Variants in GBF1 observed in about 807,000 individuals in gnomAD.
GBF1 encodes Golgi-specific brefeldin A-resistance guanine nucleotide exchange factor 1.
Under a neutral mutation model 210.5 loss-of-function variants are expected in GBF1, and 114 were observed. The observed-to-expected ratio is 0.54, with a 90% confidence interval of 0.47 to 0.63. The LOEUF is 0.63. Among genes scored for constraint, GBF1 ranks in the 30% least tolerant of loss-of-function variants. The probability of loss-of-function intolerance (pLI) is 0.00; values close to 1 mark genes in which losing one functional copy is unlikely to be tolerated. For synonymous variants in GBF1, 850 were observed against 889.2 expected, an observed-to-expected ratio of 0.96 and a Z score of 0.78; for missense variants, 1,851 against 2,357.7, an observed-to-expected ratio of 0.79 and a Z score of 4.45.
intron 3 of GBF1, among the ~76,000 whole-genome samples, chr10:102,309,679 G>GT (rs1234645403): frequency 2.6e-5 from 4 of 151,984 alleles, no homozygotes; most frequent in African/African-American, 9.7e-5. Context: ...TTTCATCTTT[G>GT]TTTTTTAGTT....
At chr10:102,368,547 A>G (rs748857779) in intron 22 of GBF1, 93 bp downstream of exon 22, 20 of 883,772 alleles carry the variant, frequency 2.3e-5, no homozygotes, top group Admixed American at 7.5e-5. Context: ...CTGTTACTTC[A>G]TTAGAATGGG....
intron 3 of GBF1, among the ~76,000 whole-genome samples, chr10:102,285,809 T>C (rs1392502646): frequency 6.6e-6 from 1 of 152,168 alleles, no homozygotes; most frequent in African/African-American, 2.4e-5. Flanking sequence ...GTAGCTTTCC[T>C]TCTTTTTTTT....
rs751351600 is a variant in GBF1 at position 102,365,476 on chromosome 10, C to G, written c.2186C>G (p.Thr729Ser). 6.2e-7 allele frequency: 1 copy of G among 1,613,850 alleles called. No individual in the cohort carries two copies. Among genetic ancestry groups the G allele is most frequent in the Non-Finnish European group, 8.5e-7 (1 of 1,179,820 alleles). Residue 729 changes from threonine (T) to serine (S), a missense_variant, in exon 18 of 40, where the codon ACC (threonine) becomes AGC (serine). Transcript: ENST00000369983. ...TTTCTGCAAGAGAAAGGCCTCCTCA[C>G]CATCCCAATGGACAACACAGAGGTT... ...IQFLQEKGLL[T>S]IPMDNTEVAQ...
rs947646259 is a variant in GBF1, at chr10:102,331,921, G to T, written c.164-12130G>T. Reference sequence around the variant, plus strand: ...GTCGCCCAGGCTGGAGTGCAGTGGCGCAGTCTTGGCTCACTGCAACCTTTG... The same window carrying T: ...GTCGCCCAGGCTGGAGTGCAGTGGCTCAGTCTTGGCTCACTGCAACCTTTG... On this transcript the variant is annotated intron_variant, in intron 3 of 39. Transcript: ENST00000369983. Among the ~76,000 whole-genome samples, 3 of 146,678 alleles carry T rather than the reference G, an allele frequency of 2.0e-5. No homozygotes were observed. In the Admixed American group the frequency reaches 2.1e-4, roughly 10 times the overall value.
At chr10:102,308,865 T>TA (rs1379275128) in intron 3 of GBF1, among the ~76,000 whole-genome samples, 1 of 151,442 alleles carries the variant, frequency 6.6e-6, no homozygotes, top group Non-Finnish European at 1.5e-5. Flanking sequence ...CCCTAAAACT[T>TA]AAAGTATAAT....
intron 3 of GBF1, among the ~76,000 whole-genome samples, chr10:102,281,898 G>A (rs1030321909): frequency 2.0e-5 from 3 of 149,880 alleles, no homozygotes; most frequent in Non-Finnish European, 4.5e-5. Flanking sequence ...CAGTTTGCCT[G>A]TATTCTTTTT....
chr10:102,276,343 G>T (rs570089435), intron 3 of GBF1, among the ~76,000 whole-genome samples: 1 of 151,798 alleles, frequency 6.6e-6, no homozygotes, highest in Admixed American at 6.6e-5. Context: ...TGGCTAACAC[G>T]GTGAAACCCC....
chr10:102,339,882 G>T (rs956368408), intron 3 of GBF1, among the ~76,000 whole-genome samples: 1 of 151,656 alleles, frequency 6.6e-6, no homozygotes, highest in Non-Finnish European at 1.5e-5. Flanking sequence ...AGCCTCCCAG[G>T]CTCAAGCAAT....
intron 3 of GBF1, among the ~76,000 whole-genome samples, chr10:102,303,074 G>A (rs2077531824): frequency 1.4e-5 from 2 of 142,836 alleles, no homozygotes; most frequent in South Asian, 2.2e-4. Flanking sequence ...TGCAACCTCC[G>A]CCTCCTGGGT....
In GBF1 at chr10:102,365,480, C is replaced by A. The variant is rs533175104; in HGVS notation, c.2190C>A (p.Ile730=). The A allele has an allele frequency of 3.1e-5, 50 of 1,613,810 alleles. 1 individual carries two copies. In the South Asian group the frequency reaches 5.4e-4, roughly 17 times the overall value. ...TGCAAGAGAAAGGCCTCCTCACCATCCCAATGGACAACACAGAGGTTGCTC... is the reference window on the plus strand; with the variant it reads ...TGCAAGAGAAAGGCCTCCTCACCATACCAATGGACAACACAGAGGTTGCTC... ...QFLQEKGLLT[I]PMDNTEVAQW... The change falls in exon 18 of 40, where the codon ATC becomes ATA. Residue 730 remains isoleucine, a synonymous_variant. Coordinates refer to ENST00000369983, the MANE Select transcript of GBF1 (RefSeq NM_001377137.1).
intron 3 of GBF1, among the ~76,000 whole-genome samples, chr10:102,314,815 G>A (rs553468020): frequency 6.6e-6 from 1 of 152,240 alleles, no homozygotes; most frequent in African/African-American, 2.4e-5. Context: ...CAGCAGAGAT[G>A]GCATTAATAT....
Position 102,377,086 on chromosome 10 carries a change from G to T in GBF1, c.4440G>T (p.Glu1480Asp), listed in dbSNP as rs369379169. The part of the protein sequence containing the change: ...ASRGGQSDDD[E>D]DEGVPASYHT... The stretch of plus-strand genomic sequence containing the variant: ...GGGGCGGGCAGAGTGATGATGATGA[G>T]GACGAAGGCGTGCCTGCCAGCTACC... The change falls in exon 33 of 40, where the codon GAG becomes GAT. Residue 1480 changes from glutamate to aspartate, a missense_variant. Coordinates refer to ENST00000369983, the MANE Select transcript of GBF1 (RefSeq NM_001377137.1). 30 of 1,614,162 alleles carry T rather than the reference G, an allele frequency of 1.9e-5. No homozygotes were observed. The Admixed American group carries it at 3.2e-4, about 17-fold the overall frequency.
chr10:102,352,525 C>A lies in GBF1; in HGVS notation c.584+7C>A. 1 of 1,601,622 alleles carries A rather than the reference C, an allele frequency of 6.2e-7. No homozygotes were observed. The highest frequency in any genetic ancestry group is 8.6e-7 in the Non-Finnish European group (1 of 1,168,770). Reference sequence around the variant, plus strand: ...TGCAGCTGCTCTTCACAAGGTAAACCTGCTGCTGTTTGCTTCAGCCCGGCT... The same window carrying A: ...TGCAGCTGCTCTTCACAAGGTAAACATGCTGCTGTTTGCTTCAGCCCGGCT... On this transcript the variant is annotated splice_region_variant and intron_variant, in intron 7 of 39. Transcript: ENST00000369983.
chr10:102,305,848 T>C (rs1267462546), intron 3 of GBF1, among the ~76,000 whole-genome samples: 2 of 152,204 alleles, frequency 1.3e-5, no homozygotes, highest in African/African-American at 4.8e-5. Flanking sequence ...CTTTGTGTAA[T>C]ACAAACATGA....
At chr10:102,339,661 G>A (rs989011693) in intron 3 of GBF1, among the ~76,000 whole-genome samples, 4 of 150,240 alleles carry the variant, frequency 2.7e-5, no homozygotes, top group East Asian at 2.0e-4. Flanking sequence ...GCAAGACTCC[G>A]TCTCAAAAAA....
chr10:102,253,596 C>CT (rs1301231030), intron 1 of GBF1, among the ~76,000 whole-genome samples: 3 of 152,150 alleles, frequency 2.0e-5, no homozygotes, highest in Non-Finnish European at 4.4e-5. Context: ...TCACTGCAGC[C>CT]TTGACCTCCT....
At chr10:102,278,788 G>C (rs1269029811) in intron 3 of GBF1, among the ~76,000 whole-genome samples, 1 of 152,162 alleles carries the variant, frequency 6.6e-6, no homozygotes, top group Non-Finnish European at 1.5e-5. Flanking sequence ...TGTCTATCGT[G>C]AATCTGTAAT....
intron 3 of GBF1, among the ~76,000 whole-genome samples, chr10:102,261,641 T>C (rs1001474076): frequency 3.4e-5 from 5 of 145,554 alleles, no homozygotes; most frequent in African/African-American, 1.3e-4. Flanking sequence ...TTTGAAACAG[T>C]GTGTCTCTCT....
the GBF1 span, among the ~76,000 whole-genome samples, chr10:102,235,384 G>C: frequency 7.9e-5 from 12 of 152,226 alleles, no homozygotes; most frequent in African/African-American, 2.9e-4. Context: ...TCTCAGGAAA[G>C]TCATCTGGTA....
Sources: allele counts gnomAD v4.1 joint callset (sites outside exome capture counted in the v4.1 genomes callset), GRCh38; gene constraint gnomAD v4.1.1; transcripts MANE v1.5; gene names NCBI Gene and HGNC (gene_info 2026-07-23, HGNC 2026-07-21).